LRP2: variants seen among roughly 807,000 people sequenced by gnomAD.
LRP2 encodes the protein LDL receptor related protein 2, also known as low-density lipoprotein receptor-related protein 2.
Under a neutral mutation model 531.0 loss-of-function variants are expected in LRP2, and 172 were observed. That is an observed-to-expected ratio of 0.32 (90% CI 0.29 to 0.37). LRP2 has a LOEUF of 0.37. Ranked by LOEUF, LRP2 falls within the 10% of genes least tolerant of loss-of-function variation. The pLI is 1.00. For missense variants in LRP2, 5,167 were observed against 5,868.3 expected, an observed-to-expected ratio of 0.88 and a Z score of 3.90; for synonymous variants, 1,992 against 2,027.6, an observed-to-expected ratio of 0.98 and a Z score of 0.47.
intron 19 of LRP2, among the ~76,000 whole-genome samples, chr2:169,250,976 C>G (rs1220347153): frequency 4.8e-5 from 1 of 20,846 alleles, no homozygotes; most frequent in Admixed American, 8.8e-4. Context: ...ACAGGAGCAC[C>G]CAGATTCATA....
chr2:169,280,648 A>T, intron 10 of LRP2, 129 bp from the exon 11 acceptor site: 1 of 928,268 alleles, frequency 1.1e-6, no homozygotes, highest in Non-Finnish European at 1.7e-6. Flanking sequence ...TTTTAACATA[A>T]ACCTCTGAGG....
At position 169,292,388 on chromosome 2, in the gene LRP2, T is replaced by A. The variant is rs1321575377; in HGVS notation, c.653-19A>T. 1.6e-5 allele frequency: 24 copies of A among 1,480,264 alleles called. No individual in the cohort carries two copies. The highest frequency in any genetic ancestry group is 3.3e-5 in the Admixed American group (2 of 59,812). The allele number at this position is 1,480,264 out of a possible 1,614,324, so 91.7% of individuals were successfully genotyped here. A position where few individuals can be genotyped will look rare whatever the true frequency, so the allele number is the denominator to read the frequency against. Reference sequence around the variant, plus strand: ...GGATAGTCTGGAATAAAGCAACAGCTGCACTCCAAAGACACAAATCACCGG... The same window carrying A: ...GGATAGTCTGGAATAAAGCAACAGCAGCACTCCAAAGACACAAATCACCGG... On this transcript the variant is annotated intron_variant, in intron 6 of 78. Transcript: ENST00000649046.
At chr2:169,312,013 G>T (rs1439782160) in intron 3 of LRP2, among the ~76,000 whole-genome samples, 1 of 152,130 alleles carries the variant, frequency 6.6e-6, no homozygotes, top group African/African-American at 2.4e-5. Context: ...TCAGAGACTA[G>T]GATTGCAACC....
At chr2:169,172,243 AAG>A in intron 57 of LRP2, 109 bp from the exon 58 acceptor site, 1 of 1,279,040 alleles carries the variant, frequency 7.8e-7, no homozygotes, top group South Asian at 1.2e-5. Flanking sequence ...CTCACTCTTG[AAG>A]CTCCCAAAGA....
chr2:169,285,227 T>C (rs541486831), intron 9 of LRP2, among the ~76,000 whole-genome samples: 1 of 150,740 alleles, frequency 6.6e-6, no homozygotes, highest in South Asian at 2.1e-4. Context: ...GAGGCTGAAG[T>C]GGGAGGCTGC....
chr2:169,361,386 CTCTCTCTCTG>C (rs1686156188), intron 1 of LRP2, among the ~76,000 whole-genome samples: 96 of 140,690 alleles, frequency 6.8e-4, no homozygotes, highest in African/African-American at 2.2e-3. Flanking sequence ...CCCTCTCTCT[CTCTCTCTCTG>C]TCTCTCTCCT....
chr2:169,331,375 G>A (rs1379119853), intron 1 of LRP2, among the ~76,000 whole-genome samples: 2 of 152,114 alleles, frequency 1.3e-5, no homozygotes, highest in Non-Finnish European at 2.9e-5. Context: ...TACCAAGAAC[G>A]CTGAGCAATG....
intron 16 of LRP2, among the ~76,000 whole-genome samples, chr2:169,267,455 T>C (rs1046726793): frequency 6.6e-6 from 1 of 152,082 alleles, no homozygotes; most frequent in Non-Finnish European, 1.5e-5. Context: ...AGAAACTCAC[T>C]CAAAACCACT....
Position 169,231,846 on chromosome 2 carries a change from C to T in LRP2, c.5099-4G>A, listed in dbSNP as rs774332529. The stretch of plus-strand genomic sequence containing the variant: ...GAAAAGGCACATGGATTCACGGCTG[C>T]ATGAGAAAGAGAAGAAAGCACCAGT... On this transcript the variant is annotated splice_region_variant and splice_polypyrimidine_tract_variant and intron_variant, in intron 30 of 78. Transcript: ENST00000649046. The T allele has an allele frequency of 2.5e-6, 4 of 1,613,728 alleles. No individual in the cohort carries two copies. The highest frequency in any genetic ancestry group is 3.4e-6 in the Non-Finnish European group (4 of 1,179,872).
At chr2:169,191,455 G>C (rs1687826458) in intron 48 of LRP2, among the ~76,000 whole-genome samples, 1 of 152,082 alleles carries the variant, frequency 6.6e-6, no homozygotes, top group Admixed American at 6.6e-5. Context: ...CTCTGTGCAA[G>C]GCCAGATTCT....
At position 169,247,379 on chromosome 2, in the gene LRP2, A is replaced by G; in HGVS notation, c.2907T>C (p.Thr969=). The G allele has an allele frequency of 1.2e-6, 2 of 1,614,160 alleles. No individual in the cohort carries two copies. The highest frequency in any genetic ancestry group is 2.2e-5 in the South Asian group (2 of 91,080). Reference sequence around the variant, plus strand: ...AAAAAACTGGGCAATCTCACTCACCAGTCTGGATGTTGACATCATACGATT... The same window carrying G: ...AAAAAACTGGGCAATCTCACTCACCGGTCTGGATGTTGACATCATACGATT... ...HLKSYDVNIQ[T]GSNACNQPTH... The change falls in exon 20 of 79, where the codon ACT becomes ACC. Residue 969 remains threonine (T), a splice_region_variant and synonymous_variant. Transcript: ENST00000649046.
chr2:169,172,224 T>C, intron 57 of LRP2, 90 bp from the exon 58 acceptor site: 3 of 1,463,802 alleles, frequency 2.0e-6, no homozygotes, highest in Non-Finnish European at 2.9e-6. Context: ...AGTCTGAGAA[T>C]TGTATTAGCT....
At chr2:169,300,666 T>C (rs1684265036) in intron 4 of LRP2, among the ~76,000 whole-genome samples, 1 of 152,060 alleles carries the variant, frequency 6.6e-6, no homozygotes, top group African/African-American at 2.4e-5. Flanking sequence ...GAGAGTTTTC[T>C]TTCCTTCCTC....
chr2:169,131,789 T>C (rs937023049), intron 77 of LRP2, among the ~76,000 whole-genome samples: 3 of 152,218 alleles, frequency 2.0e-5, no homozygotes, highest in African/African-American at 7.2e-5. Context: ...GTGAGAAATA[T>C]TATTGAGGAC....
At chr2:169,199,228 G>T (rs1688105534) in intron 44 of LRP2, among the ~76,000 whole-genome samples, 1 of 152,162 alleles carries the variant, frequency 6.6e-6, no homozygotes, top group African/African-American at 2.4e-5. Flanking sequence ...CCACACAATG[G>T]AGTAATATGT....
chr2:169,279,311 G>A, intron 12 of LRP2, 61 bp downstream of exon 12: 1 of 1,209,672 alleles, frequency 8.3e-7, no homozygotes, highest in African/African-American at 1.5e-5. Flanking sequence ...GATGTTCAGT[G>A]TATAGAGGGA....
chr2:169,168,018 A>AAT (rs4001548), intron 61 of LRP2, among the ~76,000 whole-genome samples: 1,926 of 68,160 alleles, frequency 0.028, 193 homozygotes, highest in African/African-American at 0.065. Flanking sequence ...CAGGGTTTAA[A>AAT]ATATATATAT....
chr2:169,206,436 A>C lies in LRP2; in HGVS notation c.7284T>G (p.Ser2428Arg), dbSNP rs373362950. 1.0e-4 allele frequency: 161 copies of C among 1,613,972 alleles called. No individual in the cohort carries two copies. The highest frequency in any genetic ancestry group is 1.2e-4 in the Non-Finnish European group (146 of 1,179,978). Residue 2428 changes from serine to arginine, a missense_variant, in exon 39 of 79, where the codon AGT (serine) becomes AGG (arginine). This residue lies in a region of LRP2 where 2,811 missense variants were observed against 3,058.0 expected (regional missense o/e 0.92). Transcript: ENST00000649046. ...ERTVMSLDYD[S>R]VSDRIYFTQN... ...GTGTGAAGTAGATTCTATCACTTAC[A>C]CTGTCATAGTCTAGAGACATGACAG...
At chr2:169,256,738 C>T (rs1690319481) in intron 18 of LRP2, among the ~76,000 whole-genome samples, 1 of 151,972 alleles carries the variant, frequency 6.6e-6, no homozygotes, top group Non-Finnish European at 1.5e-5. Context: ...TAATTGACTC[C>T]AAAGATTTCC....
Sources: gnomAD v4.1 joint callset for allele counts (sites outside exome capture counted in the v4.1 genomes callset) on GRCh38, gnomAD v4.1.1 for gene constraint, gnomAD v4.1.1 regional missense constraint, MANE v1.5 for transcripts, NCBI Gene and HGNC (gene_info 2026-07-23, HGNC 2026-07-21) for gene names.